MRPS5: variants seen among roughly 807,000 people sequenced by gnomAD.
MRPS5 encodes small ribosomal subunit protein uS5m.
MRPS5 carries 27 observed loss-of-function variants against 51.9 expected under a neutral mutation model. That is an observed-to-expected ratio of 0.52 (90% CI 0.38 to 0.72). The LOEUF (loss-of-function observed/expected upper bound fraction) is 0.72. MRPS5 is among the 30% of genes least tolerant of loss of function. MRPS5 has a pLI of 0.00. For synonymous variants in MRPS5, 196 were observed against 193.2 expected, an observed-to-expected ratio of 1.01 and a Z score of -0.12; for missense variants, 570 against 545.7, an observed-to-expected ratio of 1.04 and a Z score of -0.44.
chr2:95,104,855 C>G, intron 6 of MRPS5, 125 bp from the exon 7 acceptor site: 1 of 717,384 alleles, frequency 1.4e-6, no homozygotes, highest in Non-Finnish European at 2.3e-6. Context: ...GGCACACCAT[C>G]CTCCAACTCC....
chr2:95,104,671 C>T lies in MRPS5; in HGVS notation c.732G>A (p.Leu244=). 1 of 1,614,208 alleles carries T rather than the reference C, an allele frequency of 6.2e-7. No homozygotes were observed. Among genetic ancestry groups the T allele is most frequent in the African/African-American group, 1.3e-5 (1 of 75,058 alleles). ...KEGRKKSIRV[L]VAVGNGKGAA... is the part of the protein sequence containing the mutation. ...CTCCTTTTCCGTTCCCCACAGCCACCAAGACACGGATCGATTTCTTTCTTC... is the reference window on the plus strand; with the variant it reads ...CTCCTTTTCCGTTCCCCACAGCCACTAAGACACGGATCGATTTCTTTCTTC... The change falls in exon 7 of 12, where the codon TTG becomes TTA. Residue 244 remains leucine (L), a synonymous_variant. Transcript: ENST00000272418.
At chr2:95,106,872 T>C (rs1675966120) in intron 5 of MRPS5, among the ~76,000 whole-genome samples, 1 of 152,128 alleles carries the variant, frequency 6.6e-6, no homozygotes, top group Non-Finnish European at 1.5e-5. Flanking sequence ...CCTGAATCCA[T>C]GCAGCTCTCT....
chr2:95,096,202 C>A (rs1388313263), intron 10 of MRPS5, among the ~76,000 whole-genome samples: 1 of 152,096 alleles, frequency 6.6e-6, no homozygotes, highest in Non-Finnish European at 1.5e-5. Flanking sequence ...AATAGCCTAC[C>A]AACCAAAAAA....
At chr2:95,091,499 G>A (rs1004386877) in intron 10 of MRPS5, 1 of 152,362 alleles carries the variant, frequency 6.6e-6, no homozygotes, top group African/African-American at 2.4e-5. Context: ...TGGCTCCCAT[G>A]AGGGCCAGGA....
intron 11 of MRPS5, among the ~76,000 whole-genome samples, 185 bp downstream of exon 11, chr2:95,090,200 AG>A (rs1675421229): frequency 1.3e-5 from 2 of 149,492 alleles, no homozygotes; most frequent in East Asian, 1.9e-4. Flanking sequence ...AAAAAAAAAA[AG>A]GTAATTTTCA....
chr2:95,118,523 C>A (rs1676354358), intron 1 of MRPS5, among the ~76,000 whole-genome samples: 1 of 152,228 alleles, frequency 6.6e-6, no homozygotes, highest in Non-Finnish European at 1.5e-5. Flanking sequence ...ACTGTGCTCT[C>A]GCATACTTCT....
intron 10 of MRPS5, among the ~76,000 whole-genome samples, chr2:95,094,004 T>A (rs548437621): frequency 6.6e-6 from 1 of 152,210 alleles, no homozygotes; most frequent in Admixed American, 6.5e-5. Context: ...ATTAGACAAA[T>A]GGCTAACTAG....
In MRPS5 at chr2:95,090,436, TG is replaced by T. The variant is rs1314238917; in HGVS notation, c.1017del (p.Ile340LeufsTer52). Reference sequence around the variant, plus strand: ...CCCTGGGTGAGGCTGAGCATATTAATGGACCCAGAGACCTTGGCATACATGT... The same window carrying T: ...CCCTGGGTGAGGCTGAGCATATTAATGACCCAGAGACCTTGGCATACATGT... Reference protein sequence around the residue: ...IKDMYAKVSGSINMLSLTQGL... With the variant: ...IKDMYAKVSGXINMLSLTQGL... On this transcript the variant is annotated frameshift_variant, in exon 11 of 12. Coordinates refer to ENST00000272418, the MANE Select transcript of MRPS5 (RefSeq NM_031902.5). LOFTEE classifies it high-confidence loss of function. 1 of 1,614,008 alleles carries T rather than the reference TG, an allele frequency of 6.2e-7. No homozygotes were observed. The highest frequency in any genetic ancestry group is 8.5e-7 in the Non-Finnish European group (1 of 1,180,020).
intron 2 of MRPS5, among the ~76,000 whole-genome samples, chr2:95,115,886 T>C (rs940302727): frequency 1.3e-5 from 2 of 152,256 alleles, no homozygotes; most frequent in Non-Finnish European, 2.9e-5. Context: ...GCTTTAGCTT[T>C]TCTTGTATGC....
At chr2:95,100,377 T>C (rs1157619309) in intron 10 of MRPS5, 97 bp downstream of exon 10, 3 of 849,674 alleles carry the variant, frequency 3.5e-6, no homozygotes, top group African/African-American at 1.7e-5. Context: ...GTTTCCAAGA[T>C]GAGTTCAACT....
At chr2:95,096,993 T>A (rs1232003175) in intron 10 of MRPS5, among the ~76,000 whole-genome samples, 1 of 152,192 alleles carries the variant, frequency 6.6e-6, no homozygotes, top group Non-Finnish European at 1.5e-5. Context: ...CAGCAAAGTC[T>A]CAGGATACAA....
chr2:95,116,788 G>A (rs1289761535), intron 2 of MRPS5, among the ~76,000 whole-genome samples: 3 of 152,222 alleles, frequency 2.0e-5, no homozygotes, highest in Non-Finnish European at 4.4e-5. Context: ...CTTGAGGTCA[G>A]GAGTTTGAGG....
At chr2:95,110,636 T>C (rs1676091723) in intron 3 of MRPS5, among the ~76,000 whole-genome samples, 1 of 152,178 alleles carries the variant, frequency 6.6e-6, no homozygotes, top group Non-Finnish European at 1.5e-5. Context: ...ATCCCATCTC[T>C]ATTAAAACTT....
intron 10 of MRPS5, 120 bp from the exon 11 acceptor site, chr2:95,090,642 TC>T: frequency 9.0e-7 from 1 of 1,107,034 alleles, no homozygotes; most frequent in Non-Finnish European, 1.3e-6. Context: ...TATTCTGGTA[TC>T]ACCACTTCCT....
intron 4 of MRPS5, among the ~76,000 whole-genome samples, chr2:95,109,495 G>A (rs1361754380): frequency 6.6e-6 from 1 of 152,190 alleles, no homozygotes; most frequent in Non-Finnish European, 1.5e-5. Context: ...ATGCCTATTC[G>A]ACTGTGTGTT....
chr2:95,112,086 T>C (rs1444871091), intron 3 of MRPS5, among the ~76,000 whole-genome samples: 1 of 152,090 alleles, frequency 6.6e-6, no homozygotes, highest in Non-Finnish European at 1.5e-5. Flanking sequence ...TTTTTGGAGA[T>C]GGAGTCTCAC....
At chr2:95,116,382 T>C (rs1676286071) in intron 2 of MRPS5, among the ~76,000 whole-genome samples, 1 of 152,072 alleles carries the variant, frequency 6.6e-6, no homozygotes, top group Admixed American at 6.6e-5. Context: ...AAATTTAGAA[T>C]TAACTTTTTT....
At chr2:95,110,930 T>C (rs1311555801) in intron 3 of MRPS5, among the ~76,000 whole-genome samples, 1 of 152,196 alleles carries the variant, frequency 6.6e-6, no homozygotes, top group East Asian at 1.9e-4. Flanking sequence ...GATAAATGAG[T>C]ACCTTCATTC....
intron 3 of MRPS5, among the ~76,000 whole-genome samples, chr2:95,110,705 G>A (rs924946422): frequency 6.6e-6 from 1 of 152,174 alleles, no homozygotes; most frequent in Non-Finnish European, 1.5e-5. Context: ...GGGAGGCTGA[G>A]GTGGGAGGGT....
Sources: gnomAD v4.1 joint callset for allele counts (sites outside exome capture counted in the v4.1 genomes callset) on GRCh38, gnomAD v4.1.1 for gene constraint, MANE v1.5 for transcripts, NCBI Gene and HGNC (gene_info 2026-07-23, HGNC 2026-07-21) for gene names.